The following PPP3CC variants were observed in gnomAD, a reference collection of about 807,000 sequenced individuals.
PPP3CC encodes the protein serine/threonine-protein phosphatase 2B catalytic subunit gamma isoform.
In PPP3CC, 35 loss-of-function variants were observed where a neutral mutation model predicts 60.3. That is an observed-to-expected ratio of 0.58 (90% CI 0.44 to 0.77). The LOEUF (loss-of-function observed/expected upper bound fraction) is 0.77. PPP3CC is among the 30% of genes least tolerant of loss of function. The pLI, the probability that PPP3CC is intolerant of heterozygous loss-of-function variation, is 0.00. For missense variants in PPP3CC, 570 were observed against 628.9 expected, an observed-to-expected ratio of 0.91 and a Z score of 1.00; for synonymous variants, 206 against 224.3, an observed-to-expected ratio of 0.92 and a Z score of 0.73.
At chr8:22,489,727 TTATA>T (rs1207559187) in intron 3 of PPP3CC, among the ~76,000 whole-genome samples, 3 of 79,672 alleles carry the variant, frequency 3.8e-5, no homozygotes, top group Non-Finnish European at 8.8e-5. Flanking sequence ...ATATTATATA[TTATA>T]TATATAATAA....
At chr8:22,522,631 G>C (rs773787588) in intron 7 of PPP3CC, 24 bp from the exon 8 acceptor site, 2 of 1,590,982 alleles carry the variant, frequency 1.3e-6, no homozygotes, top group South Asian at 2.2e-5. Context: ...TATGCAGACA[G>C]ATGGACTTTC....
chr8:22,510,040 C>T (rs533960166), intron 4 of PPP3CC, among the ~76,000 whole-genome samples: 7 of 151,640 alleles, frequency 4.6e-5, no homozygotes, highest in East Asian at 3.9e-4. Context: ...AAAAATTAGC[C>T]GGGCGTGGTG....
intron 1 of PPP3CC, among the ~76,000 whole-genome samples, chr8:22,463,988 A>G (rs370876302): frequency 6.6e-6 from 1 of 152,038 alleles, no homozygotes; most frequent in East Asian, 1.9e-4. Context: ...GGGTTTCACC[A>G]TGTTGGTCAG....
At chr8:22,484,706 A>C (rs1025320149) in intron 3 of PPP3CC, among the ~76,000 whole-genome samples, 9 of 152,216 alleles carry the variant, frequency 5.9e-5, no homozygotes, top group African/African-American at 2.2e-4. Context: ...AAGTGTTGCC[A>C]TTCCTTTTAC....
intron 3 of PPP3CC, among the ~76,000 whole-genome samples, chr8:22,479,284 CTT>C (rs1487249192): frequency 6.6e-6 from 1 of 152,020 alleles, no homozygotes; most frequent in Non-Finnish European, 1.5e-5. Flanking sequence ...AAAACAAAAA[CTT>C]TCTACAAATC....
chr8:22,511,346 G>T, intron 5 of PPP3CC, 115 bp downstream of exon 5: 1 of 1,170,070 alleles, frequency 8.5e-7, no homozygotes. Context: ...CTGAAGTACA[G>T]TGGTGCTATC....
intron 6 of PPP3CC, among the ~76,000 whole-genome samples, chr8:22,513,813 C>T (rs1305202678): frequency 6.6e-6 from 1 of 152,148 alleles, no homozygotes; most frequent in Non-Finnish European, 1.5e-5. Context: ...TTTTCAAAAG[C>T]TCTCCAAATT....
chr8:22,462,865 C>A (rs1837403344), intron 1 of PPP3CC, among the ~76,000 whole-genome samples: 1 of 152,176 alleles, frequency 6.6e-6, no homozygotes, highest in Non-Finnish European at 1.5e-5. Context: ...ATTTAAGACT[C>A]TAAAGATCAC....
rs1839945663 is a variant in PPP3CC at position 22,540,911 on chromosome 8, A to T, written c.*109A>T. ...CAAAACAACTTCAACGTGGAGGTGC[A>T]TTTATAATTCAGTCTGCATTTATTC... On this transcript the variant is annotated 3_prime_UTR_variant, in exon 14 of 14. Coordinates refer to ENST00000240139, the MANE Select transcript of PPP3CC (RefSeq NM_005605.5). 2.0e-6 allele frequency: 2 copies of T among 1,014,380 alleles called. No homozygotes were observed. The highest frequency in any genetic ancestry group is 2.7e-6 in the Non-Finnish European group (2 of 745,266). 62.8% of individuals were successfully genotyped at this position (1,014,380 alleles called of 1,614,324 possible). A position where few individuals can be genotyped will look rare whatever the true frequency, so the allele number is the denominator to read the frequency against.
Position 22,510,881 on chromosome 8 carries a change from A to G in PPP3CC, c.485-205A>G, listed in dbSNP as rs1839065897. Reference sequence around the variant, plus strand: ...AGCAACAGAGCTGGAAAGTTAATCCAAGGTCACACTTGTCTTTAAGAGGAG... The same window carrying G: ...AGCAACAGAGCTGGAAAGTTAATCCGAGGTCACACTTGTCTTTAAGAGGAG... On this transcript the variant is annotated intron_variant, in intron 4 of 13. Coordinates refer to ENST00000240139, the MANE Select transcript of PPP3CC (RefSeq NM_005605.5). 13 of 528,766 alleles carry G rather than the reference A, an allele frequency of 2.5e-5. No homozygotes were observed. In the Admixed American group the frequency reaches 2.9e-4, roughly 12 times the overall value. 32.8% of individuals were successfully genotyped at this position (528,766 alleles called of 1,614,324 possible).
At position 22,482,931 on chromosome 8, in the gene PPP3CC, T is replaced by C. The variant is rs145330768; in HGVS notation, c.372+7307T>C. On this transcript the variant is annotated intron_variant, in intron 3 of 13. Coordinates refer to ENST00000240139, the MANE Select transcript of PPP3CC (RefSeq NM_005605.5). ...AGTTAGAATAGGAGAAAAAAAGTTA[T>C]AGGAGCAGATGAAAAAGTTGGAGAG... is the stretch of plus-strand genomic sequence containing the variant. Among the ~76,000 whole-genome samples, 563 of 152,240 alleles carry C rather than the reference T, an allele frequency of 3.7e-3. 5 individuals carry two copies. Among genetic ancestry groups the C allele is most frequent in the African/African-American group, 0.013 (532 of 41,530 alleles).
intron 1 of PPP3CC, among the ~76,000 whole-genome samples, chr8:22,465,018 T>C (rs1240709531): frequency 1.4e-5 from 2 of 147,398 alleles, no homozygotes; most frequent in Non-Finnish European, 3.0e-5. Context: ...AATGCAGTGG[T>C]GCTATCTTGG....
In PPP3CC at chr8:22,475,515, A is replaced by G. The variant is rs759842345; in HGVS notation, c.263A>G (p.His88Arg). The change falls in exon 3 of 14, where the codon CAT (histidine) becomes CGT (arginine). Residue 88 changes from histidine (H) to arginine (R), a missense_variant. Coordinates refer to ENST00000240139, the MANE Select transcript of PPP3CC (RefSeq NM_005605.5). ...DAPITVCGDI[H>R]GQFFDLMKLF... is the part of the protein sequence containing the mutation. Reference sequence around the variant, plus strand: ...TTTTTCCTAGTATGTGGTGATATTCATGGACAATTCTTTGACCTAATGAAG... The same window carrying G: ...TTTTTCCTAGTATGTGGTGATATTCGTGGACAATTCTTTGACCTAATGAAG... 27 of 1,610,368 alleles carry G rather than the reference A, an allele frequency of 1.7e-5. No homozygotes were observed. Among genetic ancestry groups the G allele is most frequent in the Admixed American group, 5.0e-5 (3 of 59,514 alleles).
chr8:22,441,392 G>C lies in PPP3CC; in HGVS notation c.-18G>C, dbSNP rs1465010115. The C allele has an allele frequency of 1.4e-5, 21 of 1,535,230 alleles. No individual in the cohort carries two copies. The East Asian group carries it at 4.8e-4, about 35-fold the overall frequency. ...ACGTCCGGCGGGCTCCTGGAGCCTG[G>C]AGGAGGCCGAGGGGACCATGTCCGG... On this transcript the variant is annotated 5_prime_UTR_variant, in exon 1 of 14. Coordinates refer to ENST00000240139, the MANE Select transcript of PPP3CC (RefSeq NM_005605.5).
intron 4 of PPP3CC, among the ~76,000 whole-genome samples, chr8:22,499,436 A>G (rs900395751): frequency 6.7e-6 from 1 of 149,102 alleles, no homozygotes; most frequent in African/African-American, 2.5e-5. Context: ...ACAGAGCAAG[A>G]CTCCGTCTCA....
At chr8:22,467,310 A>G (rs1837570884) in intron 1 of PPP3CC, among the ~76,000 whole-genome samples, 1 of 152,110 alleles carries the variant, frequency 6.6e-6, no homozygotes, top group Non-Finnish European at 1.5e-5. Flanking sequence ...AATTCAATAA[A>G]ATTATTTGAA....
chr8:22,535,400 C>G (rs900785160), intron 12 of PPP3CC, among the ~76,000 whole-genome samples: 1 of 152,218 alleles, frequency 6.6e-6, no homozygotes, highest in East Asian at 1.9e-4. Flanking sequence ...GCATTAATAT[C>G]TTAAACTAAA....
intron 1 of PPP3CC, among the ~76,000 whole-genome samples, chr8:22,445,329 A>T (rs1288854689): frequency 2.0e-5 from 3 of 151,796 alleles, no homozygotes; most frequent in Non-Finnish European, 4.4e-5. Context: ...CTCTCCCCCG[A>T]CTCTCCCTTT....
chr8:22,517,002 G>A (rs1318018445), intron 6 of PPP3CC, among the ~76,000 whole-genome samples: 4 of 151,994 alleles, frequency 2.6e-5, no homozygotes, highest in Non-Finnish European at 5.9e-5. Flanking sequence ...TTAATTGGTG[G>A]GTGAAAATGT....
Sources: gnomAD v4.1 joint callset for allele counts (sites outside exome capture counted in the v4.1 genomes callset) on GRCh38, gnomAD v4.1.1 for gene constraint, MANE v1.5 for transcripts, NCBI Gene and HGNC (gene_info 2026-07-23, HGNC 2026-07-21) for gene names.